The following NAA15 variants were observed in gnomAD, a reference collection of about 807,000 sequenced individuals.
The protein encoded by NAA15 is N-alpha-acetyltransferase 15, NatA auxiliary subunit.
In NAA15, 34 loss-of-function variants were observed where a neutral mutation model predicts 114.0. The ratio of observed to expected loss-of-function variants is 0.30; its 90% CI spans 0.23 to 0.40. The LOEUF is 0.40. Among genes scored for constraint, NAA15 ranks in the 10% least tolerant of loss-of-function variants. NAA15 has a pLI of 1.00. For missense variants in NAA15, 658 were observed against 1,004.5 expected (o/e 0.66, Z 4.66); for synonymous variants, 340 against 338.0 (o/e 1.01, Z -0.06).
In NAA15 at chr4:139,306,726, G is replaced by A. The variant is rs571324176; in HGVS notation, c.54+4895G>A. The stretch of plus-strand genomic sequence containing the variant: ...ATGCTATTTGTTTATCTAAAAGTTT[G>A]AGGAGGTTACCAGATATTTATACCA... On this transcript the variant is annotated intron_variant, in intron 1 of 19. Transcript: ENST00000296543. 1.5e-4 allele frequency among the ~76,000 whole-genome samples: 23 copies of A among 152,194 alleles called. No homozygotes were observed. In the South Asian group the frequency reaches 4.6e-3, roughly 30 times the overall value.
intron 7 of NAA15, among the ~76,000 whole-genome samples, chr4:139,350,969 A>G (rs1747761274): frequency 6.6e-6 from 1 of 152,206 alleles, no homozygotes; most frequent in Non-Finnish European, 1.5e-5. Context: ...TTAAAAGCCT[A>G]CCTAAAGCAG....
intron 1 of NAA15, among the ~76,000 whole-genome samples, chr4:139,324,113 C>G (rs895717732): frequency 1.3e-5 from 2 of 152,088 alleles, no homozygotes; most frequent in Non-Finnish European, 2.9e-5. Context: ...GGAACTCCTG[C>G]TCAAGCAATC....
chr4:139,360,690 CAT>C, intron 13 of NAA15, 62 bp downstream of exon 13: 7 of 1,411,462 alleles, frequency 5.0e-6, no homozygotes, highest in Non-Finnish European at 6.6e-6. Context: ...GGACAAATTT[CAT>C]AGTTTTTTTC....
chr4:139,303,291 G>C (rs548430124), intron 1 of NAA15, among the ~76,000 whole-genome samples: 1 of 152,128 alleles, frequency 6.6e-6, no homozygotes, highest in African/African-American at 2.4e-5. Flanking sequence ...AGACTAATTG[G>C]TGTGCAGGTA....
Position 139,358,204 on chromosome 4 carries a change from TGAG to T in NAA15, c.1257+650_1257+652del, listed in dbSNP as rs1162838236. 8.6e-5 allele frequency among the ~76,000 whole-genome samples: 13 copies of T among 151,288 alleles called. No individual in the cohort carries two copies. The East Asian group carries it at 1.7e-3, about 20-fold the overall frequency. ...GTTTTTGTTTTTGTTTTTTTTTTTTTGAGAGAGAGAAAGAGTCTCACTGCATCA... is the reference window on the plus strand; with the variant it reads ...GTTTTTGTTTTTGTTTTTTTTTTTTTAGAGAGAAAGAGTCTCACTGCATCA... On this transcript the variant is annotated intron_variant, in intron 11 of 19. Coordinates refer to ENST00000296543, the MANE Select transcript of NAA15 (RefSeq NM_057175.5).
intron 3 of NAA15, among the ~76,000 whole-genome samples, chr4:139,340,702 G>T (rs1419606829): frequency 6.6e-6 from 1 of 152,160 alleles, no homozygotes; most frequent in Non-Finnish European, 1.5e-5. Context: ...GATAAGGTAG[G>T]CAAGACCTAA....
intron 1 of NAA15, chr4:139,318,601 C>T (rs1746492127): frequency 6.6e-6 from 1 of 152,184 alleles, no homozygotes; most frequent in Non-Finnish European, 1.5e-5. Context: ...CACCTGTAAT[C>T]CCAGCACTTT....
intron 14 of NAA15, among the ~76,000 whole-genome samples, chr4:139,367,760 G>A (rs1426373373): frequency 6.6e-6 from 1 of 152,190 alleles, no homozygotes; most frequent in Non-Finnish European, 1.5e-5. Context: ...GAGAGACTGA[G>A]AGTTTTCAAA....
chr4:139,308,774 C>A (rs552644283), intron 1 of NAA15, among the ~76,000 whole-genome samples: 1 of 152,160 alleles, frequency 6.6e-6, no homozygotes, highest in Admixed American at 6.5e-5. Flanking sequence ...CACCACCACA[C>A]CCAGCTAAGT....
chr4:139,371,474 TAAAAA>T (rs771223256), intron 15 of NAA15, among the ~76,000 whole-genome samples: 1,327 of 78,008 alleles, frequency 0.017, 16 homozygotes, highest in South Asian at 0.071. Flanking sequence ...CTCTGTCTCT[TAAAAA>T]AAAAAAAAAG....
chr4:139,332,576 T>TTTTG (rs1747053787), intron 1 of NAA15, among the ~76,000 whole-genome samples: 1 of 110,864 alleles, frequency 9.0e-6, no homozygotes, highest in Non-Finnish European at 1.8e-5. Context: ...TTGTATGTTT[T>TTTTG]TTTTTTTTTT....
At chr4:139,370,441 T>A in intron 15 of NAA15, 37 bp downstream of exon 15, 1 of 1,489,908 alleles carries the variant, frequency 6.7e-7, no homozygotes, top group Non-Finnish European at 8.9e-7. Flanking sequence ...TTGAGTGACA[T>A]TTTATGACCA....
In NAA15 at chr4:139,305,629, C is replaced by T. The variant is rs997417915; in HGVS notation, c.54+3798C>T. Among the ~76,000 whole-genome samples, 3 of 151,716 alleles carry T rather than the reference C, an allele frequency of 2.0e-5. No individual in the cohort carries two copies. In the South Asian group the frequency reaches 6.2e-4, roughly 32 times the overall value. ...CTCGGCTCACCGAAACCTCTGTCTC[C>T]CGGGTTCAAGCAGTTCTGCTTCAGC... is the stretch of plus-strand genomic sequence containing the variant. On this transcript the variant is annotated intron_variant, in intron 1 of 19. Coordinates refer to ENST00000296543, the MANE Select transcript of NAA15 (RefSeq NM_057175.5).
chr4:139,370,847 G>T (rs1303182089), intron 15 of NAA15, among the ~76,000 whole-genome samples: 1 of 152,128 alleles, frequency 6.6e-6, no homozygotes, highest in Non-Finnish European at 1.5e-5. Context: ...TTATGTCTAG[G>T]CTAAATTGAG....
intron 6 of NAA15, among the ~76,000 whole-genome samples, chr4:139,345,094 C>T (rs1747537855): frequency 6.6e-6 from 1 of 152,222 alleles, no homozygotes; most frequent in Non-Finnish European, 1.5e-5. Context: ...ATTCCCTTGG[C>T]TCACCTTGAG....
At chr4:139,344,396 G>T (rs1747511754) in intron 6 of NAA15, 57 bp downstream of exon 6, 2 of 1,402,148 alleles carry the variant, frequency 1.4e-6, no homozygotes, top group Non-Finnish European at 2.0e-6. Context: ...GAGCAAGGCT[G>T]AAAAATCTAG....
At chr4:139,304,710 T>G (rs1003476981) in intron 1 of NAA15, among the ~76,000 whole-genome samples, 4 of 152,232 alleles carry the variant, frequency 2.6e-5, no homozygotes, top group African/African-American at 9.6e-5. Context: ...GAGAGCTGAC[T>G]GTATTTACTT....
At chr4:139,374,245 G>A (rs1372473611) in intron 15 of NAA15, among the ~76,000 whole-genome samples, 1 of 152,138 alleles carries the variant, frequency 6.6e-6, no homozygotes, top group Admixed American at 6.5e-5. Context: ...GTCTTAAATT[G>A]CCCATTAAGT....
chr4:139,324,345 TAGGA>T (rs1452715584), intron 1 of NAA15, among the ~76,000 whole-genome samples: 1 of 152,214 alleles, frequency 6.6e-6, no homozygotes, highest in Non-Finnish European at 1.5e-5. Flanking sequence ...GTGTTACAGG[TAGGA>T]GGACAAATAG....
Sources: allele counts gnomAD v4.1 joint callset (sites outside exome capture counted in the v4.1 genomes callset), GRCh38; gene constraint gnomAD v4.1.1; transcripts MANE v1.5; gene names NCBI Gene and HGNC (gene_info 2026-07-23, HGNC 2026-07-21).